AWAT1: variants seen among roughly 807,000 people sequenced by gnomAD.
AWAT1 encodes the protein diacyl-glycerol acyltransferase 2.
In AWAT1, 26 loss-of-function variants were observed where a neutral mutation model predicts 21.6. That is an observed-to-expected ratio of 1.20 (90% CI 0.88 to 1.67). AWAT1 has a LOEUF of 1.67. AWAT1 is among the 40% of genes most tolerant of loss of function. The probability of loss-of-function intolerance (pLI) is 0.00; values close to 1 mark genes in which losing one functional copy is unlikely to be tolerated. For missense variants in AWAT1, 264 were observed against 249.4 expected (o/e 1.06, Z -0.39); for synonymous variants, 102 against 99.3 (o/e 1.03, Z -0.16).
chrX:70,239,097 G>A (rs1284855433), intron 5 of AWAT1, among the ~76,000 whole-genome samples: 1 of 111,931 alleles, frequency 8.9e-6, no homozygotes, highest in Non-Finnish European at 1.9e-5. Flanking sequence ...AATCATGTAG[G>A]GAAGAGAGCT....
chrX:70,240,144 C>G lies in AWAT1; in HGVS notation c.841C>G (p.Pro281Ala). Residue 281 changes from proline (P) to alanine (A), a missense_variant, in exon 7 of 7, where the codon CCT (proline) becomes GCT (alanine). Transcript: ENST00000374521. ...CCGATCTCTCTTGGCAGTTGGGGAG[C>G]CTCTGCCACTGCCCCAAATTGAAAA... Reference protein sequence around the residue: ...SRPIVTVVGEPLPLPQIEKPS... With the variant: ...SRPIVTVVGEALPLPQIEKPS... 1.7e-6 allele frequency: 2 copies of G among 1,210,782 alleles called. No individual in the cohort carries two copies. Among genetic ancestry groups the G allele is most frequent in the Non-Finnish European group, 1.1e-6 (1 of 895,023 alleles).
At chrX:70,239,654 C>T (rs2085529509) in intron 5 of AWAT1, 81 bp from the exon 6 acceptor site, 2 of 881,843 alleles carry the variant, frequency 2.3e-6, no homozygotes, top group South Asian at 4.1e-5. Flanking sequence ...TAGATGAGGG[C>T]CTGGCAAGCA....
intron 5 of AWAT1, 31 bp downstream of exon 5, chrX:70,238,414 G>A (rs377624740): frequency 9.1e-5 from 104 of 1,142,271 alleles, no homozygotes; most frequent in Non-Finnish European, 1.1e-4. Context: ...GGCAGTGCAT[G>A]GTGTTCTCTG....
rs1387940324 is a variant in AWAT1 at position 70,240,150 on chromosome X, C to T, written c.847C>T (p.Pro283Ser). 5.8e-6 allele frequency: 7 copies of T among 1,209,147 alleles called. No individual in the cohort carries two copies. The highest frequency in any genetic ancestry group is 7.8e-6 in the Non-Finnish European group (7 of 894,859). ...PIVTVVGEPL[P>S]LPQIEKPSQE... ...TCTCTTGGCAGTTGGGGAGCCTCTGCCACTGCCCCAAATTGAAAAGCCAAG... is the reference window on the plus strand; with the variant it reads ...TCTCTTGGCAGTTGGGGAGCCTCTGTCACTGCCCCAAATTGAAAAGCCAAG... The change falls in exon 7 of 7, where the codon CCA (proline) becomes TCA (serine). Residue 283 changes from proline (P) to serine (S), a missense_variant. Physicochemically the swap from Pro to Ser is moderately conservative, Grantham distance 74 (BLOSUM62 -1). Transcript: ENST00000374521.
intron 5 of AWAT1, 55 bp from the exon 6 acceptor site, chrX:70,239,680 A>G (rs1313225504): frequency 9.6e-7 from 1 of 1,046,294 alleles, no homozygotes; most frequent in East Asian, 3.0e-5. Context: ...ATGTTCTTCC[A>G]GGGTGGGTCT....
In AWAT1 at chrX:70,236,159, T is replaced by G. The variant is rs753977336; in HGVS notation, c.255+20T>G. On this transcript the variant is annotated intron_variant, in intron 3 of 6. Transcript: ENST00000374521. ...ATTACGGTAAGTATCTCTTCCCCAG[T>G]GTCCTCAGAGTTCCCAAAATACTGG... The G allele has an allele frequency of 6.8e-6, 8 of 1,175,653 alleles. No homozygotes were observed. In the South Asian group the frequency reaches 1.4e-4, roughly 21 times the overall value.
Position 70,239,934 on chromosome X carries a change from G to A in AWAT1, c.832G>A (p.Val278Ile). Residue 278 changes from valine to isoleucine, a missense_variant and splice_region_variant, in exon 6 of 7, where the codon GTT becomes ATT. Transcript: ENST00000374521. ...ATACTCCAGGCCTATTGTCACTGTG[G>A]GTGAGTGCCACTCTCAGCCCCAGTG... ...LPYSRPIVTVVGEPLPLPQIE... is the reference protein window; with the variant it reads ...LPYSRPIVTVIGEPLPLPQIE... 1 of 1,206,714 alleles carries A rather than the reference G, an allele frequency of 8.3e-7. No homozygotes were observed. Among genetic ancestry groups the A allele is most frequent in the Non-Finnish European group, 1.1e-6 (1 of 891,978 alleles).
At position 70,235,862 on chromosome X, in the gene AWAT1, T is replaced by C. The variant is rs1409768568; in HGVS notation, c.184+39T>C. ...ACCTAGAAAGAAGAATGTTCCATCA[T>C]AACCTGCAGCCAGAGAGTCCCACTC... On this transcript the variant is annotated intron_variant, in intron 2 of 6. Transcript: ENST00000374521. 6 of 1,115,067 alleles carry C rather than the reference T, an allele frequency of 5.4e-6. No individual in the cohort carries two copies. The Admixed American group carries it at 1.3e-4, about 25-fold the overall frequency. The allele number at this position is 1,115,067 out of a possible 1,213,427, so 91.9% of individuals were successfully genotyped here. A position where few individuals can be genotyped will look rare whatever the true frequency, so the allele number is the denominator to read the frequency against.
Position 70,237,205 on chromosome X carries a change from G to T in AWAT1, c.417G>T (p.Trp139Cys). 8.3e-7 allele frequency: 1 copy of T among 1,209,240 alleles called. No homozygotes were observed. The highest frequency in any genetic ancestry group is 1.1e-6 in the Non-Finnish European group (1 of 894,444). ...GITPHLATLS[W>C]FFKIPFVREY... ...CTCCTCACTTGGCCACGCTGTCCTG[G>T]TTCTTCAAGATCCCCTTTGTTAGGG... Residue 139 changes from tryptophan to cysteine, a missense_variant, in exon 4 of 7, where the codon TGG (tryptophan) becomes TGT (cysteine). Transcript: ENST00000374521.
At chrX:70,235,390 C>A (rs1327396747) in intron 1 of AWAT1, among the ~76,000 whole-genome samples, 2 of 109,220 alleles carry the variant, frequency 1.8e-5, no homozygotes, top group East Asian at 5.7e-4. Context: ...GGGAGGGAGA[C>A]AGGAGACAAG....
At chrX:70,237,831 C>CAAAA (rs34212707) in intron 4 of AWAT1, among the ~76,000 whole-genome samples, 15 of 19,377 alleles carry the variant, frequency 7.7e-4, no homozygotes, top group Non-Finnish European at 1.0e-3. Context: ...AACTCTGTCT[C>CAAAA]AAAAAAAAAA....
chrX:70,240,047 C>T (rs1402702249), intron 6 of AWAT1, 89 bp from the exon 7 acceptor site: 10 of 1,143,803 alleles, frequency 8.7e-6, no homozygotes, highest in South Asian at 7.7e-5. Context: ...ATCTGGGATG[C>T]GAGAGTCAGG....
chrX:70,237,657 C>A lies in AWAT1; in HGVS notation c.460+409C>A, dbSNP rs922213039. Among the ~76,000 whole-genome samples the A allele has an allele frequency of 1.3e-4, 14 of 107,721 alleles. 1 individual carries two copies. Among genetic ancestry groups the A allele is most frequent in the Non-Finnish European group, 2.5e-4 (13 of 52,196 alleles). The allele number at this position is 107,721 out of a possible 115,157, so 93.5% of individuals were successfully genotyped here. A position where few individuals can be genotyped will look rare whatever the true frequency, so the allele number is the denominator to read the frequency against. ...GACCAGCCTAGCCAACATGGGAAAACCCCATCTCTACTTAAAATACGAAAA... is the reference window on the plus strand; with the variant it reads ...GACCAGCCTAGCCAACATGGGAAAAACCCATCTCTACTTAAAATACGAAAA... On this transcript the variant is annotated intron_variant, in intron 4 of 6. Coordinates refer to ENST00000374521, the MANE Select transcript of AWAT1 (RefSeq NM_001013579.3).
intron 5 of AWAT1, among the ~76,000 whole-genome samples, chrX:70,238,587 T>C (rs2085525310): frequency 8.9e-6 from 1 of 112,635 alleles, no homozygotes; most frequent in Non-Finnish European, 1.9e-5. Flanking sequence ...ATCAAGGGGA[T>C]TGGGCTAAGG....
intron 5 of AWAT1, 82 bp downstream of exon 5, chrX:70,238,465 G>A: frequency 5.0e-6 from 5 of 996,325 alleles, no homozygotes; most frequent in Non-Finnish European, 6.6e-6. Context: ...TGAATCAGAT[G>A]TGAATTTTGC....
chrX:70,238,403 G>A lies in AWAT1; in HGVS notation c.632+20G>A. The A allele has an allele frequency of 3.4e-6, 4 of 1,163,788 alleles. No homozygotes were observed. The South Asian group carries it at 5.9e-5, about 17-fold the overall frequency. Reference sequence around the variant, plus strand: ...GCATGGGTAGGTGTTCCCCACAGAGGGGCAGTGCATGGTGTTCTCTGAGCA... The same window carrying A: ...GCATGGGTAGGTGTTCCCCACAGAGAGGCAGTGCATGGTGTTCTCTGAGCA... On this transcript the variant is annotated intron_variant, in intron 5 of 6. Coordinates refer to ENST00000374521, the MANE Select transcript of AWAT1 (RefSeq NM_001013579.3).
rs946338790 is a variant in AWAT1, at chrX:70,235,652, T to C, written c.77-64T>C. ...CTTAGGTAATGTGGAGAGCTGGTGA[T>C]GGGACTGGGCATGGTCAAGTTCTGC... On this transcript the variant is annotated intron_variant, in intron 1 of 6. Transcript: ENST00000374521. The C allele has an allele frequency of 8.7e-6, 7 of 809,106 alleles. No individual in the cohort carries two copies. In the Admixed American group the frequency reaches 1.1e-4, roughly 13 times the overall value. 66.7% of individuals were successfully genotyped at this position (809,106 alleles called of 1,213,427 possible). A position where few individuals can be genotyped will look rare whatever the true frequency, so the allele number is the denominator to read the frequency against.
rs2085513273 is a variant in AWAT1, at chrX:70,236,050, A to G, written c.185-19A>G. On this transcript the variant is annotated intron_variant, in intron 2 of 6. Transcript: ENST00000374521. ...ATGGCACACACTGACATCATCCCCT[A>G]CTTCTTCTTTTGCCTCAGGTGGCAG... The G allele has an allele frequency of 8.4e-7, 1 of 1,193,582 alleles. No individual in the cohort carries two copies. Among genetic ancestry groups the G allele is most frequent in the Non-Finnish European group, 1.1e-6 (1 of 879,249 alleles).
chrX:70,236,934 G>A, intron 3 of AWAT1, 110 bp from the exon 4 acceptor site: 2 of 705,555 alleles, frequency 2.8e-6, no homozygotes, highest in Non-Finnish European at 4.2e-6. Flanking sequence ...CAGGAAATCT[G>A]TTGGAAAGCT....
Sources: gnomAD v4.1 joint callset for allele counts (sites outside exome capture counted in the v4.1 genomes callset) on GRCh38, gnomAD v4.1.1 for gene constraint, MANE v1.5 for transcripts, NCBI Gene and HGNC (gene_info 2026-07-23, HGNC 2026-07-21) for gene names.